RFX2: variants seen among roughly 807,000 people sequenced by gnomAD.
RFX2 encodes the protein DNA-binding protein RFX2.
Under a neutral mutation model 87.8 loss-of-function variants are expected in RFX2, and 20 were observed. The observed-to-expected ratio is 0.23, with a 90% CI of 0.16 to 0.33. The LOEUF (loss-of-function observed/expected upper bound fraction) is 0.33. Among genes scored for constraint, RFX2 ranks in the 10% least tolerant of loss-of-function variants. The pLI, the probability that RFX2 is intolerant of heterozygous loss-of-function variation, is 1.00. For synonymous variants in RFX2, 397 were observed against 431.3 expected (o/e 0.92, Z 0.98); for missense variants, 767 against 1,012.3 (o/e 0.76, Z 3.29).
chr19:5,997,821 AT>A lies in RFX2; in HGVS notation c.1860-609del, dbSNP rs2086436029. Among the ~76,000 whole-genome samples the A allele has an allele frequency of 6.6e-6, 1 of 152,212 alleles. No homozygotes were observed. The highest frequency in any genetic ancestry group is 2.4e-5 in the African/African-American group (1 of 41,448). ...TGCTGACAATGCTTTACATTTTGAAATGGTTGGAAAAAGTCAAAAGAATAAT... is the reference window on the plus strand; with the variant it reads ...TGCTGACAATGCTTTACATTTTGAAAGGTTGGAAAAAGTCAAAAGAATAAT... On this transcript the variant is annotated intron_variant, in intron 15 of 17. Coordinates refer to ENST00000303657, the MANE Select transcript of RFX2 (RefSeq NM_000635.4). This position sits in a 1 kb window ranked among gnomAD's most constrained non-coding sequence, Gnocchi z 4.2.
chr19:6,058,465 T>C (rs1159427688), intron 1 of RFX2, among the ~76,000 whole-genome samples: 1 of 151,422 alleles, frequency 6.6e-6, no homozygotes, highest in Non-Finnish European at 1.5e-5. Context: ...AGGCAAGGAG[T>C]GTGAAATAAA....
rs2086670207 is a variant in RFX2 at position 6,012,368 on chromosome 19, A to C, written c.899+618T>G. 6.6e-6 allele frequency: 1 copy of C among 152,302 alleles called. No homozygotes were observed. Among genetic ancestry groups the C allele is most frequent in the Admixed American group, 6.5e-5 (1 of 15,282 alleles). The allele number at this position is 152,302 out of a possible 1,614,324, so 9.4% of individuals were successfully genotyped here. Reference sequence around the variant, plus strand: ...AACTATATGACACTGGGGAACGGGGAAACTGTGGGGATGGCAGAAGGATTA... The same window carrying C: ...AACTATATGACACTGGGGAACGGGGCAACTGTGGGGATGGCAGAAGGATTA... On this transcript the variant is annotated intron_variant, in intron 8 of 17. Coordinates refer to ENST00000303657, the MANE Select transcript of RFX2 (RefSeq NM_000635.4). This position sits in a 1 kb window ranked among gnomAD's most constrained non-coding sequence, Gnocchi z 4.6.
At chr19:6,005,064 A>C (rs1295057375) in intron 12 of RFX2, among the ~76,000 whole-genome samples, 1 of 152,186 alleles carries the variant, frequency 6.6e-6, no homozygotes, top group African/African-American at 2.4e-5. Flanking sequence ...GACTGCAGTG[A>C]GCCTCCTGCA....
chr19:6,013,225 G>T lies in RFX2; in HGVS notation c.780-120C>A. 6.6e-6 allele frequency: 7 copies of T among 1,063,376 alleles called. No homozygotes were observed. The highest frequency in any genetic ancestry group is 1.6e-5 in the African/African-American group (1 of 60,892). 65.9% of individuals were successfully genotyped at this position (1,063,376 alleles called of 1,614,324 possible). On this transcript the variant is annotated intron_variant, in intron 7 of 17. Transcript: ENST00000303657. The surrounding 1 kb of genome is among the most constrained non-coding windows in gnomAD (Gnocchi z 4.1). Reference sequence around the variant, plus strand: ...TTTTGAGACAGAATCTCATTCTGTCGCCCAGGCTGGAGTACAGCAGTGCCA... The same window carrying T: ...TTTTGAGACAGAATCTCATTCTGTCTCCCAGGCTGGAGTACAGCAGTGCCA...
rs1568529568 is a variant in RFX2 at position 6,061,166 on chromosome 19, G to A, written c.-8-13662C>T. 6.6e-6 allele frequency among the ~76,000 whole-genome samples: 1 copy of A among 152,066 alleles called. No homozygotes were observed. Among genetic ancestry groups the A allele is most frequent in the Non-Finnish European group, 1.5e-5 (1 of 68,026 alleles). Reference sequence around the variant, plus strand: ...GCTCCTGCTGCTACTATTTCAGTGAGCCCCTGCCTCCCTATCTCCTACCTG... The same window carrying A: ...GCTCCTGCTGCTACTATTTCAGTGAACCCCTGCCTCCCTATCTCCTACCTG... On this transcript the variant is annotated intron_variant, in intron 1 of 17. Transcript: ENST00000303657. This position sits in a 1 kb window ranked among gnomAD's most constrained non-coding sequence, Gnocchi z 5.2.
In RFX2 at chr19:6,064,028, C is replaced by A. The variant is rs1200883022; in HGVS notation, c.-8-16524G>T. On this transcript the variant is annotated intron_variant, in intron 1 of 17. Coordinates refer to ENST00000303657, the MANE Select transcript of RFX2 (RefSeq NM_000635.4). This position sits in a 1 kb window ranked among gnomAD's most constrained non-coding sequence, Gnocchi z 4.8. ...TGTTCACATCTGGCTTCTTGGCCAGCCAGCCCTTCTTGAGAAAACAAAGTC... is the reference window on the plus strand; with the variant it reads ...TGTTCACATCTGGCTTCTTGGCCAGACAGCCCTTCTTGAGAAAACAAAGTC... 2.0e-5 allele frequency among the ~76,000 whole-genome samples: 3 copies of A among 152,228 alleles called. No individual in the cohort carries two copies. Among genetic ancestry groups the A allele is most frequent in the African/African-American group, 7.2e-5 (3 of 41,462 alleles).
chr19:6,010,314 A>G lies in RFX2; in HGVS notation c.900-63T>C. On this transcript the variant is annotated intron_variant, in intron 8 of 17. Transcript: ENST00000303657. The surrounding 1 kb of genome is among the most constrained non-coding windows in gnomAD (Gnocchi z 5.0). ...AGCCCTGCTGCGGGTGGGCCCAAAGACTGGGGGGCTGGGCAGGATTCAGTC... is the reference window on the plus strand; with the variant it reads ...AGCCCTGCTGCGGGTGGGCCCAAAGGCTGGGGGGCTGGGCAGGATTCAGTC... 5.4e-6 allele frequency: 6 copies of G among 1,101,788 alleles called. No individual in the cohort carries two copies. In the South Asian group the frequency reaches 8.0e-5, roughly 15 times the overall value. The allele number at this position is 1,101,788 out of a possible 1,614,324, so 68.3% of individuals were successfully genotyped here. A position where few individuals can be genotyped will look rare whatever the true frequency, so the allele number is the denominator to read the frequency against.
chr19:6,014,708 G>A (rs985183348), intron 7 of RFX2, among the ~76,000 whole-genome samples: 4 of 152,302 alleles, frequency 2.6e-5, no homozygotes, highest in African/African-American at 7.2e-5. Flanking sequence ...AGGAGCAGGG[G>A]CTGTGTCCCC....
chr19:6,094,989 A>G (rs1297537362), intron 1 of RFX2, among the ~76,000 whole-genome samples: 1 of 152,218 alleles, frequency 6.6e-6, no homozygotes, highest in Admixed American at 6.5e-5. Context: ...TTAGCCAGGC[A>G]TGGTCCCAGT....
At position 6,021,345 on chromosome 19, in the gene RFX2, C is replaced by A. The variant is rs1016831611; in HGVS notation, c.597+4818G>T. Among the ~76,000 whole-genome samples the A allele has an allele frequency of 5.9e-5, 9 of 152,326 alleles. No homozygotes were observed. The highest frequency in any genetic ancestry group is 3.4e-3 in the Middle Eastern group (1 of 294). ...AATAAAAGACAAAAACCCCTGCCCCCTGGAAGCGTCCGTTCTTGTCTGGCA... is the reference window on the plus strand; with the variant it reads ...AATAAAAGACAAAAACCCCTGCCCCATGGAAGCGTCCGTTCTTGTCTGGCA... On this transcript the variant is annotated intron_variant, in intron 6 of 17. Transcript: ENST00000303657. This position sits in a 1 kb window ranked among gnomAD's most constrained non-coding sequence, Gnocchi z 5.7.
Position 6,007,143 on chromosome 19 carries a change from A to G in RFX2, c.1271T>C (p.Val424Ala), listed in dbSNP as rs2086593809. The change falls in exon 12 of 18, where the codon GTC (valine) becomes GCC (alanine). Residue 424 changes from valine to alanine, a missense_variant. Around this residue, in one of 2 missense-constraint regions of RFX2, gnomAD observed 621 missense variants for 873.0 expected, o/e 0.71. Coordinates refer to ENST00000303657, the MANE Select transcript of RFX2 (RefSeq NM_000635.4). The surrounding 1 kb of genome is among the most constrained non-coding windows in gnomAD (Gnocchi z 8.2). Reference protein sequence around the residue: ...PASDEDPEGAVLPKDKLISLC... With the variant: ...PASDEDPEGAALPKDKLISLC... ...GGAGATAAGCTTGTCCTTGGGCAGGACGGCGCCCTCGGGGTCTTCGTCACT... is the reference window on the plus strand; with the variant it reads ...GGAGATAAGCTTGTCCTTGGGCAGGGCGGCGCCCTCGGGGTCTTCGTCACT... 6.2e-7 allele frequency: 1 copy of G among 1,613,986 alleles called. No homozygotes were observed. The highest frequency in any genetic ancestry group is 1.1e-5 in the South Asian group (1 of 91,078).
chr19:6,099,769 G>C (rs1380704980), intron 1 of RFX2, among the ~76,000 whole-genome samples: 1 of 152,176 alleles, frequency 6.6e-6, no homozygotes, highest in African/African-American at 2.4e-5. Flanking sequence ...TCTAAGTGCT[G>C]AGGCAATTTG....
rs766424583 is a variant in RFX2, at chr19:6,008,194, G to T, written c.1046C>A (p.Ala349Glu). The change falls in exon 10 of 18, where the codon GCG (alanine) becomes GAG (glutamate). Residue 349 changes from alanine to glutamate, a missense_variant. Ala to Glu is a moderately radical substitution (Grantham distance 107). Around this residue, in one of 2 missense-constraint regions of RFX2, gnomAD observed 621 missense variants for 873.0 expected, o/e 0.71. Coordinates refer to ENST00000303657, the MANE Select transcript of RFX2 (RefSeq NM_000635.4). ...CAGCAGGAAGCTGCCCAGGTCGGGC[G>T]CTGGGAACTCGGGGAAGACGTGGGA... is the stretch of plus-strand genomic sequence containing the variant. ...DVSHVFPEFP[A>E]PDLGSFLLQD... The T allele has an allele frequency of 5.1e-6, 8 of 1,561,830 alleles. No individual in the cohort carries two copies. Among genetic ancestry groups the T allele is most frequent in the Admixed American group, 3.9e-5 (2 of 51,198 alleles).
In RFX2 at chr19:6,064,251, A is replaced by C. The variant is rs998806121; in HGVS notation, c.-8-16747T>G. Among the ~76,000 whole-genome samples, 1 of 152,208 alleles carries C rather than the reference A, an allele frequency of 6.6e-6. No homozygotes were observed. The highest frequency in any genetic ancestry group is 2.4e-5 in the African/African-American group (1 of 41,462). ...CTCCAGCTCCCGTCTTCAGCTGAGC[A>C]CAGGGGCCTGTCCCAGGATTCTTGG... On this transcript the variant is annotated intron_variant, in intron 1 of 17. Coordinates refer to ENST00000303657, the MANE Select transcript of RFX2 (RefSeq NM_000635.4). This position sits in a 1 kb window ranked among gnomAD's most constrained non-coding sequence, Gnocchi z 4.8.
intron 3 of RFX2, among the ~76,000 whole-genome samples, chr19:6,043,557 G>C (rs531168548): frequency 7.0e-4 from 106 of 152,358 alleles, no homozygotes; most frequent in Admixed American, 3.1e-3. Flanking sequence ...TGTAAATAAA[G>C]TTTTATTGGC....
In RFX2 at chr19:6,012,969, C is replaced by T. The variant is rs1486144411; in HGVS notation, c.899+17G>A. On this transcript the variant is annotated intron_variant, in intron 8 of 17. Coordinates refer to ENST00000303657, the MANE Select transcript of RFX2 (RefSeq NM_000635.4). The surrounding 1 kb of genome is among the most constrained non-coding windows in gnomAD (Gnocchi z 4.6). ...CCAGGGGAGAGCCAGCTCCTCCCAG[C>T]TCGGCCCGGCACCCACCTGGGCTTC... The T allele has an allele frequency of 6.6e-7, 1 of 1,506,484 alleles. No individual in the cohort carries two copies. The highest frequency in any genetic ancestry group is 8.9e-7 in the Non-Finnish European group (1 of 1,126,894). The allele number at this position is 1,506,484 out of a possible 1,614,324, so 93.3% of individuals were successfully genotyped here.
chr19:6,063,743 A>G lies in RFX2; in HGVS notation c.-8-16239T>C, dbSNP rs1468863044. Among the ~76,000 whole-genome samples the G allele has an allele frequency of 1.3e-5, 2 of 152,016 alleles. No individual in the cohort carries two copies. The highest frequency in any genetic ancestry group is 2.9e-5 in the Non-Finnish European group (2 of 67,962). On this transcript the variant is annotated intron_variant, in intron 1 of 17. Transcript: ENST00000303657. The surrounding 1 kb of genome is among the most constrained non-coding windows in gnomAD (Gnocchi z 4.0). ...ATGCGGATATGAGGGGCAGGAATACACTCTGGGGTGGGGCCGTCCTGGGCA... is the reference window on the plus strand; with the variant it reads ...ATGCGGATATGAGGGGCAGGAATACGCTCTGGGGTGGGGCCGTCCTGGGCA...
intron 1 of RFX2, among the ~76,000 whole-genome samples, chr19:6,081,678 C>T (rs1238568061): frequency 6.6e-6 from 1 of 152,222 alleles, no homozygotes; most frequent in Non-Finnish European, 1.5e-5. Flanking sequence ...GAGGGCTGGG[C>T]GCGGCGGCTC....
At position 6,016,018 on chromosome 19, in the gene RFX2, G is replaced by A. The variant is rs2086721449; in HGVS notation, c.779+72C>T. ...CACCTGGAAAGGAGGAGGAAGCCTC[G>A]CATTTTCCCAAAAGCTCCATTTCTT... On this transcript the variant is annotated intron_variant, in intron 7 of 17. Coordinates refer to ENST00000303657, the MANE Select transcript of RFX2 (RefSeq NM_000635.4). This position sits in a 1 kb window ranked among gnomAD's most constrained non-coding sequence, Gnocchi z 5.4. The A allele has an allele frequency of 1.1e-5, 16 of 1,422,272 alleles. No homozygotes were observed. Among genetic ancestry groups the A allele is most frequent in the South Asian group, 1.4e-5 (1 of 70,356 alleles). The allele number at this position is 1,422,272 out of a possible 1,614,324, so 88.1% of individuals were successfully genotyped here.
Sources: gnomAD v4.1 joint callset for allele counts (sites outside exome capture counted in the v4.1 genomes callset) on GRCh38, gnomAD v4.1.1 for gene constraint, gnomAD v4.1.1 regional missense constraint, Gnocchi (gnomAD v3.1) non-coding constraint, MANE v1.5 for transcripts, NCBI Gene and HGNC (gene_info 2026-07-23, HGNC 2026-07-21) for gene names.